TRPC4: variants seen among roughly 807,000 people sequenced by gnomAD.
TRPC4 encodes transient receptor potential cation channel subfamily C member 4.
Under a neutral mutation model 99.4 loss-of-function variants are expected in TRPC4, and 49 were observed. The ratio of observed to expected loss-of-function variants is 0.49; its 90% CI spans 0.39 to 0.63. The LOEUF (loss-of-function observed/expected upper bound fraction) is 0.63. TRPC4 is among the 20% of genes least tolerant of loss of function. The probability of loss-of-function intolerance (pLI) is 0.00; values close to 1 mark genes in which losing one functional copy is unlikely to be tolerated. For synonymous variants in TRPC4, 454 were observed against 425.9 expected (o/e 1.07, Z -0.81); for missense variants, 898 against 1,152.9 (o/e 0.78, Z 3.20).
chr13:37,674,408 A>G (rs759686287), intron 4 of TRPC4, 41 bp from the exon 5 acceptor site: 1 of 1,577,560 alleles, frequency 6.3e-7, no homozygotes, highest in Admixed American at 1.9e-5. Context: ...TGATTTCAAT[A>G]GAATCACTAA....
intron 6 of TRPC4, among the ~76,000 whole-genome samples, chr13:37,660,471 G>A (rs923162259): frequency 6.6e-6 from 1 of 152,142 alleles, no homozygotes. Context: ...GAGAAAATAA[G>A]ATATCTTGTA....
intron 1 of TRPC4, among the ~76,000 whole-genome samples, chr13:37,802,794 G>A (rs1294079578): frequency 6.6e-6 from 1 of 152,054 alleles, no homozygotes; most frequent in Non-Finnish European, 1.5e-5. Context: ...GTTTTGGGAA[G>A]ATATAAATAG....
chr13:37,719,006 G>GA (rs948335698), intron 3 of TRPC4, among the ~76,000 whole-genome samples: 379 of 150,634 alleles, frequency 2.5e-3, no homozygotes, highest in African/African-American at 8.0e-3. Context: ...CAACAAAAAA[G>GA]AAAAAAAAAT....
chr13:37,774,734 G>T (rs1459825164), intron 2 of TRPC4, among the ~76,000 whole-genome samples: 1 of 151,484 alleles, frequency 6.6e-6, no homozygotes, highest in Non-Finnish European at 1.5e-5. Context: ...TGCATTACCT[G>T]TATCCTTGTT....
chr13:37,761,445 C>T (rs758892182), intron 2 of TRPC4, among the ~76,000 whole-genome samples: 65 of 151,792 alleles, frequency 4.3e-4, no homozygotes, highest in Non-Finnish European at 7.4e-4. Context: ...GCTCAGGTAG[C>T]GAGAGTAGGA....
Position 37,674,292 on chromosome 13 carries a change from A to G in TRPC4, c.1310T>C (p.Met437Thr). Reference sequence around the variant, plus strand: ...ATATAAGGAGTTCATTACAAAGTCCATTAGATTCCACCAATCATGGATGTA... The same window carrying G: ...ATATAAGGAGTTCATTACAAAGTCCGTTAGATTCCACCAATCATGGATGTA... ...QDYIHDWWNL[M>T]DFVMNSLYLA... is the part of the protein sequence containing the mutation. Residue 437 changes from methionine to threonine, a missense_variant, in exon 5 of 11, where the codon ATG (methionine) becomes ACG (threonine). This residue lies in a region of TRPC4 where 274 missense variants were observed against 454.9 expected (regional missense o/e 0.60). Transcript: ENST00000379705. 1 of 1,608,354 alleles carries G rather than the reference A, an allele frequency of 6.2e-7. No individual in the cohort carries two copies. The highest frequency in any genetic ancestry group is 8.5e-7 in the Non-Finnish European group (1 of 1,178,514).
In TRPC4 at chr13:37,746,382, T is replaced by C. The variant is rs991463039; in HGVS notation, c.452A>G (p.His151Arg). 6 of 1,613,480 alleles carry C rather than the reference T, an allele frequency of 3.7e-6. No homozygotes were observed. The highest frequency in any genetic ancestry group is 5.1e-6 in the Non-Finnish European group (6 of 1,179,738). ...PDITPIILAA[H>R]TNNYEIIKLL... is the part of the protein sequence containing the mutation. ...TTTTATTATCTCATAATTATTTGTA[T>C]GGGCTGCCAAAATGATTGGTGTAAT... The change falls in exon 3 of 11, where the codon CAT becomes CGT. Residue 151 changes from histidine (H) to arginine (R), a missense_variant. This residue lies in a region of TRPC4 where 278 missense variants were observed against 346.6 expected (regional missense o/e 0.80). Transcript: ENST00000379705.
chr13:37,786,936 G>A (rs1453424222), intron 1 of TRPC4, among the ~76,000 whole-genome samples: 1 of 151,978 alleles, frequency 6.6e-6, no homozygotes, highest in Non-Finnish European at 1.5e-5. Context: ...CAAGAAGGTA[G>A]AGAGAGCTAC....
intron 4 of TRPC4, among the ~76,000 whole-genome samples, chr13:37,687,211 C>T (rs946055176): frequency 6.6e-6 from 1 of 152,168 alleles, no homozygotes; most frequent in African/African-American, 2.4e-5. Flanking sequence ...GATCCACCCA[C>T]CTCAGCCTCC....
chr13:37,765,367 T>G (rs1956335648), intron 2 of TRPC4, among the ~76,000 whole-genome samples: 2 of 151,450 alleles, frequency 1.3e-5, no homozygotes, highest in Non-Finnish European at 3.0e-5. Flanking sequence ...GTCTTGTTCA[T>G]GTGCAACCAA....
intron 2 of TRPC4, among the ~76,000 whole-genome samples, chr13:37,782,733 T>A (rs1343617072): frequency 6.6e-6 from 1 of 151,958 alleles, no homozygotes; most frequent in Admixed American, 6.6e-5. Flanking sequence ...TCACAATTAC[T>A]TATGATTTTC....
intron 1 of TRPC4, among the ~76,000 whole-genome samples, chr13:37,840,449 A>T (rs115146797): frequency 0.026 from 3,890 of 152,126 alleles, 95 homozygotes; most frequent in African/African-American, 0.072. Context: ...ACCCTTTTAT[A>T]TCAATGTCCT....
At chr13:37,853,240 C>A (rs374420108) in intron 1 of TRPC4, among the ~76,000 whole-genome samples, 2 of 152,134 alleles carry the variant, frequency 1.3e-5, no homozygotes, top group Non-Finnish European at 2.9e-5. Context: ...TTAGTTCCAG[C>A]TGGGTCAGCC....
intron 1 of TRPC4, among the ~76,000 whole-genome samples, chr13:37,796,374 G>A (rs1423781865): frequency 6.6e-6 from 1 of 152,136 alleles, no homozygotes; most frequent in Non-Finnish European, 1.5e-5. Context: ...ATTTGACGAA[G>A]GTCATGTGGG....
At chr13:37,637,750 G>C in intron 10 of TRPC4, 125 bp from the exon 11 acceptor site, 1 of 938,482 alleles carries the variant, frequency 1.1e-6, no homozygotes, top group Non-Finnish European at 1.5e-6. Flanking sequence ...CTACTCTACT[G>C]TGGTTCTATT....
chr13:37,665,950 T>C (rs1204674722), intron 5 of TRPC4, among the ~76,000 whole-genome samples: 1 of 148,620 alleles, frequency 6.7e-6, no homozygotes, highest in East Asian at 2.0e-4. Context: ...CTTCTAGTCA[T>C]GGCCAGGAAA....
intron 2 of TRPC4, among the ~76,000 whole-genome samples, chr13:37,755,724 A>G (rs559259542): frequency 1.3e-5 from 2 of 152,246 alleles, no homozygotes; most frequent in South Asian, 4.1e-4. Context: ...AATTAGCTAT[A>G]TAATCTTGTG....
At chr13:37,762,582 T>C (rs372879549) in intron 2 of TRPC4, among the ~76,000 whole-genome samples, 3,017 of 150,770 alleles carry the variant, frequency 0.02, 38 homozygotes, top group South Asian at 0.075. Context: ...ATGGATGAAA[T>C]TGGAAATCAT....
intron 5 of TRPC4, among the ~76,000 whole-genome samples, chr13:37,668,660 T>C (rs1430781409): frequency 6.6e-6 from 1 of 152,170 alleles, no homozygotes; most frequent in South Asian, 2.1e-4. Context: ...TAGGAAAATA[T>C]GTTAGGCTAT....
Sources: gnomAD v4.1 joint callset for allele counts (sites outside exome capture counted in the v4.1 genomes callset) on GRCh38, gnomAD v4.1.1 for gene constraint, gnomAD v4.1.1 regional missense constraint, MANE v1.5 for transcripts, NCBI Gene and HGNC (gene_info 2026-07-23, HGNC 2026-07-21) for gene names.